The following GCA variants were observed in gnomAD, a reference collection of about 807,000 sequenced individuals.
GCA encodes the protein grancalcin, EF-hand calcium-binding protein.
Under a neutral mutation model 32.6 loss-of-function variants are expected in GCA, and 30 were observed. The observed-to-expected ratio is 0.92, with a 90% CI of 0.69 to 1.25. The LOEUF is 1.25. Among genes scored for constraint, GCA ranks in the 50% most tolerant of loss-of-function variants. GCA has a pLI of 0.00. For missense variants in GCA, 291 were observed against 266.8 expected (o/e 1.09, Z -0.63); for synonymous variants, 102 against 84.6 (o/e 1.21, Z -1.13).
chr2:162,322,596 T>C (rs1199729123), intron 1 of GCA, among the ~76,000 whole-genome samples: 9 of 128,332 alleles, frequency 7.0e-5, no homozygotes, highest in African/African-American at 2.7e-4. Flanking sequence ...TGTGATGTTC[T>C]CCTTCCTGTG....
intron 1 of GCA, among the ~76,000 whole-genome samples, chr2:162,336,312 A>C (rs1003242365): frequency 6.6e-6 from 1 of 151,928 alleles, no homozygotes; most frequent in African/African-American, 2.4e-5. Context: ...AGATTTATTT[A>C]AAATAATGTA....
chr2:162,362,126 A>G lies in GCA; in HGVS notation c.*1883A>G, dbSNP rs569581832. 1 of 984,532 alleles carries G rather than the reference A, an allele frequency of 1.0e-6. No homozygotes were observed. The highest frequency in any genetic ancestry group is 1.8e-5 in the African/African-American group (1 of 57,140). The allele number at this position is 984,532 out of a possible 1,614,324, so 61.0% of individuals were successfully genotyped here. On this transcript the variant is annotated 3_prime_UTR_variant, in exon 8 of 8. Coordinates refer to ENST00000437150, the MANE Select transcript of GCA (RefSeq NM_012198.5). The stretch of plus-strand genomic sequence containing the variant: ...TCTATGAAGGAGCTTCCATGGCCAA[A>G]CATATTTAGAAACTCTCACTTTCTA...
At position 162,338,693 on chromosome 2, in the gene GCA, A is replaced by T. The variant is rs573880061; in HGVS notation, c.-30-8885A>T. On this transcript the variant is annotated intron_variant, in intron 1 of 4. Coordinates refer to the GCA transcript ENST00000429691. ...CATAAGCACGCAACTTGGATTTAAA[A>T]TTTAAGGTAGGTATTTTTCTGATCT... is the stretch of plus-strand genomic sequence containing the variant. Among the ~76,000 whole-genome samples, 11 of 152,294 alleles carry T rather than the reference A, an allele frequency of 7.2e-5. No individual in the cohort carries two copies. The South Asian group carries it at 2.3e-3, about 32-fold the overall frequency.
chr2:162,344,175 T>A lies in GCA; in HGVS notation c.-74T>A. On this transcript the variant is annotated 5_prime_UTR_variant, in exon 1 of 8. Transcript: ENST00000437150. ...ACCTGCAGCTGCGCCTCCTTGCACC[T>A]GCGCCTGTGCTTTTTCTCCCAGCAC... 2 of 1,552,830 alleles carry A rather than the reference T, an allele frequency of 1.3e-6. No homozygotes were observed. Among genetic ancestry groups the A allele is most frequent in the Non-Finnish European group, 1.8e-6 (2 of 1,125,550 alleles).
chr2:162,340,940 G>A (rs1684422420), upstream of GCA, among the ~76,000 whole-genome samples: 2 of 151,982 alleles, frequency 1.3e-5, no homozygotes, highest in East Asian at 1.9e-4. Context: ...AACCTACTCT[G>A]TCATCTCCCT....
rs1157711965 is a variant in GCA, at chr2:162,362,248, C to A, written c.*2005C>A. The stretch of plus-strand genomic sequence containing the variant: ...CCCAGTTTTTTCCAAACTTTTTGAC[C>A]ACAGAACCCCTTTCTCTAGCAAAAC... On this transcript the variant is annotated 3_prime_UTR_variant, in exon 8 of 8. Coordinates refer to ENST00000437150, the MANE Select transcript of GCA (RefSeq NM_012198.5). 1.0e-6 allele frequency: 1 copy of A among 984,222 alleles called. No individual in the cohort carries two copies. Among genetic ancestry groups the A allele is most frequent in the Non-Finnish European group, 1.2e-6 (1 of 829,406 alleles). 61.0% of individuals were successfully genotyped at this position (984,222 alleles called of 1,614,324 possible). A position where few individuals can be genotyped will look rare whatever the true frequency, so the allele number is the denominator to read the frequency against.
At chr2:162,346,224 A>G (rs1684699604) in intron 1 of GCA, among the ~76,000 whole-genome samples, 1 of 152,238 alleles carries the variant, frequency 6.6e-6, no homozygotes, top group South Asian at 2.1e-4. Context: ...TAATAAAAAA[A>G]CATTTTAAGC....
At chr2:162,325,975 A>G (rs959781176) in intron 1 of GCA, among the ~76,000 whole-genome samples, 1 of 152,066 alleles carries the variant, frequency 6.6e-6, no homozygotes. Flanking sequence ...GGGTTTGTTT[A>G]GGGTGAGGAT....
At chr2:162,351,748 A>G in intron 2 of GCA, among the ~76,000 whole-genome samples, 1 of 152,328 alleles carries the variant, frequency 6.6e-6, no homozygotes, top group South Asian at 2.1e-4. Flanking sequence ...GTACTAAATC[A>G]TAATGAGAAT....
rs890369570 is a variant in GCA, at chr2:162,361,227, T to A, written c.*984T>A. 35 of 984,754 alleles carry A rather than the reference T, an allele frequency of 3.6e-5. No individual in the cohort carries two copies. The African/African-American group carries it at 5.8e-4, about 16-fold the overall frequency. 61.0% of individuals were successfully genotyped at this position (984,754 alleles called of 1,614,324 possible). A position where few individuals can be genotyped will look rare whatever the true frequency, so the allele number is the denominator to read the frequency against. On this transcript the variant is annotated 3_prime_UTR_variant, in exon 8 of 8. Coordinates refer to ENST00000437150, the MANE Select transcript of GCA (RefSeq NM_012198.5). ...TTTTGAGTGCATCTATGTGATGTGG[T>A]GTTTTGAGCATAGTAGGCACCACAG...
intron 5 of GCA, 23 bp from the exon 6 acceptor site, chr2:162,359,021 G>C: frequency 8.8e-7 from 1 of 1,138,888 alleles, no homozygotes. Context: ...ACATTTAGAA[G>C]TTTTAATTTA....
chr2:162,346,527 C>T (rs1194617729), intron 1 of GCA: 3 of 152,172 alleles, frequency 2.0e-5, no homozygotes, highest in African/African-American at 7.2e-5. Flanking sequence ...GACACCATGG[C>T]AGTTCCAGAC....
chr2:162,361,625 G>A lies in GCA; in HGVS notation c.*1382G>A. 1 of 983,602 alleles carries A rather than the reference G, an allele frequency of 1.0e-6. No homozygotes were observed. Among genetic ancestry groups the A allele is most frequent in the Non-Finnish European group, 1.2e-6 (1 of 828,488 alleles). 60.9% of individuals were successfully genotyped at this position (983,602 alleles called of 1,614,324 possible). On this transcript the variant is annotated 3_prime_UTR_variant, in exon 8 of 8. Transcript: ENST00000437150. ...AATCCTGGAAAGGAAGTAACGCATAGTCACTTGACACTGATAATTTTATAT... is the reference window on the plus strand; with the variant it reads ...AATCCTGGAAAGGAAGTAACGCATAATCACTTGACACTGATAATTTTATAT...
rs187114929 is a variant in GCA, at chr2:162,322,106, A to C, written c.-31+2881A>C. 3.3e-4 allele frequency among the ~76,000 whole-genome samples: 50 copies of C among 150,288 alleles called. 1 individual carries two copies. The highest frequency in any genetic ancestry group is 3.3e-4 in the Admixed American group (5 of 15,160). On this transcript the variant is annotated intron_variant, in intron 1 of 4. Coordinates refer to the GCA transcript ENST00000429691. ...AGTAGTAAGCCTAAAATAGAAAAAA[A>C]ATTATGGCTAAGTTCACTAAATCTT... is the stretch of plus-strand genomic sequence containing the variant.
Position 162,344,199 on chromosome 2 carries a change from A to G in GCA, c.-50A>G. 1 of 1,610,592 alleles carries G rather than the reference A, an allele frequency of 6.2e-7. No homozygotes were observed. The highest frequency in any genetic ancestry group is 8.5e-7 in the Non-Finnish European group (1 of 1,177,228). On this transcript the variant is annotated 5_prime_UTR_variant, in exon 1 of 8. Coordinates refer to ENST00000437150, the MANE Select transcript of GCA (RefSeq NM_012198.5). ...CTGCGCCTGTGCTTTTTCTCCCAGC[A>G]CTGCGGACGCGACTCGAGGGTGACG...
chr2:162,345,347 T>G (rs1349787310), intron 1 of GCA, among the ~76,000 whole-genome samples: 3 of 152,220 alleles, frequency 2.0e-5, no homozygotes, highest in Admixed American at 2.0e-4. Flanking sequence ...CTTCGAAGAT[T>G]AATCAAGATA....
At chr2:162,354,175 C>T (rs1159153752) in intron 3 of GCA, among the ~76,000 whole-genome samples, 1 of 151,968 alleles carries the variant, frequency 6.6e-6, no homozygotes, top group African/African-American at 2.4e-5. Flanking sequence ...GATGATACTG[C>T]TTTGCTCTTA....
intron 1 of GCA, among the ~76,000 whole-genome samples, chr2:162,322,514 G>C (rs1322488598): frequency 1.3e-5 from 2 of 149,668 alleles, no homozygotes; most frequent in African/African-American, 2.5e-5. Flanking sequence ...CCACTAACTC[G>C]TCATCTAGCA....
At chr2:162,335,159 C>T (rs1396058889) in intron 1 of GCA, among the ~76,000 whole-genome samples, 1 of 152,130 alleles carries the variant, frequency 6.6e-6, no homozygotes, top group African/African-American at 2.4e-5. Flanking sequence ...CCAGAGAAAT[C>T]CTAGCACTTT....
Sources: allele counts gnomAD v4.1 joint callset (sites outside exome capture counted in the v4.1 genomes callset), GRCh38; gene constraint gnomAD v4.1.1; transcripts MANE v1.5; gene names NCBI Gene and HGNC (gene_info 2026-07-23, HGNC 2026-07-21).